DCLK1: variants seen among roughly 807,000 people sequenced by gnomAD.
DCLK1 encodes serine/threonine-protein kinase DCLK1.
Under a neutral mutation model 86.2 loss-of-function variants are expected in DCLK1, and 16 were observed. The observed-to-expected ratio is 0.19, with a 90% CI of 0.13 to 0.28. DCLK1 has a LOEUF of 0.28. Among genes scored for constraint, DCLK1 ranks in the 10% least tolerant of loss-of-function variants. The pLI is 1.00. For missense variants in DCLK1, 590 were observed against 940.2 expected (o/e 0.63, Z 4.87); for synonymous variants, 369 against 370.5 (o/e 1.00, Z 0.05).
chr13:35,857,087 G>T (rs544180571), intron 5 of DCLK1, among the ~76,000 whole-genome samples: 13 of 152,292 alleles, frequency 8.5e-5, no homozygotes, highest in African/African-American at 2.6e-4. Flanking sequence ...AGGCAGGATA[G>T]TTAGTCAAGG....
chr13:36,052,147 C>G (rs1292192846), intron 3 of DCLK1, among the ~76,000 whole-genome samples: 1 of 152,126 alleles, frequency 6.6e-6, no homozygotes, highest in East Asian at 1.9e-4. Context: ...AGAAACTCAA[C>G]TTATATCTCA....
intron 11 of DCLK1, among the ~76,000 whole-genome samples, chr13:35,812,977 G>A (rs1276114349): frequency 2.0e-5 from 3 of 152,104 alleles, no homozygotes; most frequent in Non-Finnish European, 4.4e-5. Context: ...ACACAACATC[G>A]GCCCCAGCCT....
intron 5 of DCLK1, chr13:35,855,574 G>A (rs764920166): frequency 1.1e-5 from 17 of 1,588,722 alleles, no homozygotes; most frequent in Admixed American, 5.2e-5. Flanking sequence ...GCGGAATCCC[G>A]TCTCAGCACT....
At chr13:35,914,331 AAATATATATATATATATACATAT>A (rs1566600140) in intron 4 of DCLK1, among the ~76,000 whole-genome samples, 1 of 12,654 alleles carries the variant, frequency 7.9e-5, no homozygotes, top group Non-Finnish European at 2.1e-4. Flanking sequence ...GAAAAAAAAA[AAATATATATATATATATACATAT>A]ATATATATAT....
Position 35,774,064 on chromosome 13 carries a change from C to T in DCLK1, c.*471G>A, listed in dbSNP as rs1449943954. ...CCACAGAAAAGGACAAACAAGATAT[C>T]ATTCTAAATGTCCTTCTTTTCTGGA... On this transcript the variant is annotated 3_prime_UTR_variant, in exon 17 of 17. Coordinates refer to ENST00000360631, the MANE Select transcript of DCLK1 (RefSeq NM_001330071.2). 2 of 153,966 alleles carry T rather than the reference C, an allele frequency of 1.3e-5. No homozygotes were observed. Among genetic ancestry groups the T allele is most frequent in the East Asian group, 3.8e-4 (2 of 5,236 alleles). The allele number at this position is 153,966 out of a possible 1,614,324, so 9.5% of individuals were successfully genotyped here.
Position 35,774,627 on chromosome 13 carries a change from C to T in DCLK1, c.2131G>A (p.Ala711Thr). The T allele has an allele frequency of 6.2e-7, 1 of 1,606,068 alleles. No individual in the cohort carries two copies. Among genetic ancestry groups the T allele is most frequent in the South Asian group, 1.1e-5 (1 of 89,468 alleles). The change falls in exon 17 of 17, where the codon GCG becomes ACG. Residue 711 changes from alanine (A) to threonine (T), a missense_variant. Transcript: ENST00000360631. ...TTGAGTTCGGGAGGAGCTGGCTGCG[C>T]CTTGTACCGGCTCCTCACATCCTGG... ...RNQDVRSRYK[A>T]QPAPPELNSE...
chr13:35,796,238 A>G (rs940847056), intron 15 of DCLK1, among the ~76,000 whole-genome samples: 1 of 152,208 alleles, frequency 6.6e-6, no homozygotes, highest in Non-Finnish European at 1.5e-5. Flanking sequence ...GGGCAAAATG[A>G]TCAAATGAGC....
At position 35,798,834 on chromosome 13, in the gene DCLK1, T is replaced by G. The variant is rs150009308; in HGVS notation, c.1945-5355A>C. ...AGATGAATGTTTACATTTTTGTGTG[T>G]GTGGGTAGGGCTGAGTTTTATTAGT... On this transcript the variant is annotated intron_variant, in intron 15 of 16. Transcript: ENST00000360631. 1.7e-4 allele frequency among the ~76,000 whole-genome samples: 26 copies of G among 152,342 alleles called. No homozygotes were observed. In the East Asian group the frequency reaches 5.0e-3, roughly 29 times the overall value.
intron 3 of DCLK1, among the ~76,000 whole-genome samples, chr13:35,958,934 T>G (rs911015419): frequency 6.6e-6 from 1 of 152,150 alleles, no homozygotes; most frequent in Non-Finnish European, 1.5e-5. Flanking sequence ...AATAATACTG[T>G]TTTTGCATAA....
At chr13:35,927,025 A>G (rs187461212) in intron 4 of DCLK1, among the ~76,000 whole-genome samples, 5 of 152,352 alleles carry the variant, frequency 3.3e-5, no homozygotes, top group Admixed American at 3.3e-4. Flanking sequence ...CAGCTGTGAC[A>G]CTAACCTGCT....
At chr13:35,870,047 C>G (rs1367001734) in intron 5 of DCLK1, among the ~76,000 whole-genome samples, 1 of 152,166 alleles carries the variant, frequency 6.6e-6, no homozygotes, top group African/African-American at 2.4e-5. Context: ...TCTACATGAG[C>G]AGTGTCATAC....
At chr13:35,952,516 C>T (rs1169817737) in intron 3 of DCLK1, among the ~76,000 whole-genome samples, 2 of 152,214 alleles carry the variant, frequency 1.3e-5, no homozygotes, top group African/African-American at 4.8e-5. Context: ...CTAAGGACCA[C>T]TGTCTTAACT....
chr13:36,054,787 G>A (rs770276348), intron 3 of DCLK1, among the ~76,000 whole-genome samples: 13 of 152,116 alleles, frequency 8.5e-5, no homozygotes, highest in Non-Finnish European at 1.5e-4. Flanking sequence ...TCTTGCTGAG[G>A]TCTTGTCCAC....
intron 11 of DCLK1, among the ~76,000 whole-genome samples, chr13:35,811,419 TTTTG>T (rs1166047031): frequency 3.9e-5 from 6 of 152,298 alleles, no homozygotes; most frequent in South Asian, 4.1e-4. Context: ...TTCTTAATCC[TTTTG>T]TTTATCTGTC....
chr13:36,056,634 AAAG>A (rs1288337442), intron 3 of DCLK1, among the ~76,000 whole-genome samples: 56 of 145,932 alleles, frequency 3.8e-4, no homozygotes, highest in African/African-American at 1.4e-3. Context: ...AAAAAAAAAA[AAAG>A]AAAGAAATTC....
intron 4 of DCLK1, among the ~76,000 whole-genome samples, chr13:35,902,716 A>C (rs1301127805): frequency 6.6e-6 from 1 of 152,108 alleles, no homozygotes; most frequent in Non-Finnish European, 1.5e-5. Context: ...GTGCTGTGAC[A>C]ATGACAGGTG....
chr13:35,820,259 T>C (rs1194446553), intron 11 of DCLK1, among the ~76,000 whole-genome samples: 2 of 152,204 alleles, frequency 1.3e-5, no homozygotes, highest in Non-Finnish European at 2.9e-5. Context: ...ATCCCTACCA[T>C]CAGAAATCAC....
At chr13:35,940,600 G>A (rs74046168) in intron 4 of DCLK1, among the ~76,000 whole-genome samples, 8,927 of 152,106 alleles carry the variant, frequency 0.059, 845 homozygotes, top group African/African-American at 0.2. Context: ...ATCAACATGG[G>A]CACGGAGAGA....
intron 2 of DCLK1, among the ~76,000 whole-genome samples, chr13:36,121,561 A>C (rs923343623): frequency 2.0e-5 from 3 of 148,662 alleles, no homozygotes; most frequent in Non-Finnish European, 4.4e-5. Context: ...GTTCCATTGT[A>C]TTTGTTATTG....
Sources: gnomAD v4.1 joint callset for allele counts (sites outside exome capture counted in the v4.1 genomes callset) on GRCh38, gnomAD v4.1.1 for gene constraint, MANE v1.5 for transcripts, NCBI Gene and HGNC (gene_info 2026-07-23, HGNC 2026-07-21) for gene names.